Variants in SGMS1 observed in about 807,000 individuals in gnomAD.
The protein encoded by SGMS1 is phosphatidylcholine:ceramide cholinephosphotransferase 1.
Under a neutral mutation model 46.2 loss-of-function variants are expected in SGMS1, and 13 were observed. The ratio of observed to expected loss-of-function variants is 0.28; its 90% CI spans 0.18 to 0.45. SGMS1 has a LOEUF of 0.45. Among genes scored for constraint, SGMS1 ranks in the 20% least tolerant of loss-of-function variants. The probability of loss-of-function intolerance (pLI) is 1.00; values close to 1 mark genes in which losing one functional copy is unlikely to be tolerated. For synonymous variants in SGMS1, 203 were observed against 187.8 expected, an observed-to-expected ratio of 1.08 and a Z score of -0.66; for missense variants, 324 against 519.9, an observed-to-expected ratio of 0.62 and a Z score of 3.66.
At chr10:50,343,035 T>C (rs1236602988) in intron 7 of SGMS1, 1 of 154,968 alleles carries the variant, frequency 6.5e-6, no homozygotes, top group African/African-American at 2.4e-5. Flanking sequence ...CTGAATTCTG[T>C]GTGAAACATC....
intron 5 of SGMS1, among the ~76,000 whole-genome samples, chr10:50,452,579 C>T (rs1196232713): frequency 1.6e-4 from 25 of 152,108 alleles, no homozygotes; most frequent in Admixed American, 1.6e-3. Context: ...TCACAGAAGC[C>T]AAACAAAGTA....
intron 6 of SGMS1, among the ~76,000 whole-genome samples, chr10:50,387,340 T>C (rs529505332): frequency 6.6e-5 from 10 of 152,270 alleles, no homozygotes; most frequent in South Asian, 4.1e-4. Context: ...CACAAACACA[T>C]ACACCCACTT....
chr10:50,560,139 T>A (rs1321500723), intron 2 of SGMS1, among the ~76,000 whole-genome samples: 1 of 146,688 alleles, frequency 6.8e-6, no homozygotes, highest in Non-Finnish European at 1.5e-5. Context: ...ATATGTAATA[T>A]GTATTATATA....
At chr10:50,448,995 A>G (rs1322082622) in intron 5 of SGMS1, among the ~76,000 whole-genome samples, 1 of 152,190 alleles carries the variant, frequency 6.6e-6, no homozygotes, top group African/African-American at 2.4e-5. Context: ...ACGCAAATTA[A>G]GACAACATGA....
chr10:50,394,411 G>A (rs1394054021), intron 6 of SGMS1, among the ~76,000 whole-genome samples: 1 of 152,188 alleles, frequency 6.6e-6, no homozygotes, highest in Non-Finnish European at 1.5e-5. Context: ...CACTACAGAT[G>A]CGTTCTGAAC....
At chr10:50,480,154 C>T (rs1157097189) in intron 3 of SGMS1, among the ~76,000 whole-genome samples, 8 of 152,164 alleles carry the variant, frequency 5.3e-5, no homozygotes, top group South Asian at 4.2e-4. Context: ...GCAGTGAGTA[C>T]TACATGAGAG....
At chr10:50,473,868 A>T (rs558231122) in intron 3 of SGMS1, 1 of 152,346 alleles carries the variant, frequency 6.6e-6, no homozygotes, top group South Asian at 2.1e-4. Context: ...ACCCAAAGAG[A>T]GCCATTCAGA....
intron 2 of SGMS1, among the ~76,000 whole-genome samples, chr10:50,562,358 G>GCA (rs1564432653): frequency 1.3e-4 from 15 of 117,988 alleles, no homozygotes; most frequent in Non-Finnish European, 1.5e-4. Flanking sequence ...GTGTGTGTGC[G>GCA]CGCGCGCACA....
At chr10:50,505,763 G>C (rs887750354) in intron 3 of SGMS1, among the ~76,000 whole-genome samples, 4 of 152,160 alleles carry the variant, frequency 2.6e-5, no homozygotes, top group African/African-American at 9.7e-5. Context: ...GGGATGGGAG[G>C]GGGTGATGTA....
intron 2 of SGMS1, among the ~76,000 whole-genome samples, chr10:50,546,339 A>G (rs1443192016): frequency 1.3e-5 from 2 of 152,046 alleles, no homozygotes; most frequent in African/African-American, 4.8e-5. Flanking sequence ...CTAGAACTAG[A>G]AATACCATTT....
intron 2 of SGMS1, among the ~76,000 whole-genome samples, chr10:50,528,068 C>T (rs929485341): frequency 1.3e-5 from 2 of 152,228 alleles, no homozygotes; most frequent in East Asian, 3.9e-4. Context: ...TGCTATTTTG[C>T]TTCAAGATTC....
chr10:50,451,137 G>A (rs1837104270), intron 5 of SGMS1, among the ~76,000 whole-genome samples: 1 of 152,028 alleles, frequency 6.6e-6, no homozygotes, highest in African/African-American at 2.4e-5. Flanking sequence ...GATCTGTCAA[G>A]CTTACACATT....
intron 3 of SGMS1, among the ~76,000 whole-genome samples, chr10:50,491,255 G>A (rs1269667474): frequency 6.6e-6 from 1 of 152,208 alleles, no homozygotes; most frequent in Admixed American, 6.5e-5. Flanking sequence ...TTGGGAGGCT[G>A]AGGAAGGAGG....
chr10:50,500,197 A>C (rs978781234), intron 3 of SGMS1, among the ~76,000 whole-genome samples: 13 of 152,142 alleles, frequency 8.5e-5, no homozygotes, highest in South Asian at 8.3e-4. Flanking sequence ...AACAAACAAA[A>C]AAACAAGCTT....
intron 6 of SGMS1, among the ~76,000 whole-genome samples, chr10:50,429,934 C>T (rs770015560): frequency 9.9e-5 from 15 of 152,130 alleles, no homozygotes; most frequent in Non-Finnish European, 1.3e-4. Context: ...TCCAAAATGA[C>T]ACCCAACTAA....
At chr10:50,397,427 G>C (rs910480561) in intron 6 of SGMS1, among the ~76,000 whole-genome samples, 1 of 152,202 alleles carries the variant, frequency 6.6e-6, no homozygotes, top group African/African-American at 2.4e-5. Context: ...AGACAGGCAT[G>C]ACACCAAAGC....
Position 50,343,783 on chromosome 10 carries a change from T to C in SGMS1, c.332A>G (p.Tyr111Cys). 6.2e-7 allele frequency: 1 copy of C among 1,614,212 alleles called. No homozygotes were observed. The highest frequency in any genetic ancestry group is 1.1e-5 in the South Asian group (1 of 91,080). ...GGGGATCTTTATCATCTCTTTCCTA[T>C]ACCCATTTGGCATCCCGTTGGGTTT... ...KIKPNGMPNG[Y>C]RKEMIKIPMP... Residue 111 changes from tyrosine (Y) to cysteine (C), a missense_variant, in exon 7 of 11, where the codon TAT becomes TGT. Transcript: ENST00000361781.
chr10:50,585,595 C>T (rs369247055), intron 2 of SGMS1, among the ~76,000 whole-genome samples: 7 of 152,190 alleles, frequency 4.6e-5, no homozygotes, highest in Admixed American at 6.5e-5. Context: ...CACGGAAATG[C>T]GCTACCTGCA....
intron 1 of SGMS1, among the ~76,000 whole-genome samples, chr10:50,596,237 C>T (rs1838591191): frequency 6.7e-6 from 1 of 148,488 alleles, no homozygotes; most frequent in East Asian, 2.0e-4. Flanking sequence ...AGTGCAATGG[C>T]ACGATCTCAG....
Sources: allele counts gnomAD v4.1 joint callset (sites outside exome capture counted in the v4.1 genomes callset), GRCh38; gene constraint gnomAD v4.1.1; transcripts MANE v1.5; gene names NCBI Gene and HGNC (gene_info 2026-07-23, HGNC 2026-07-21).